METTL15: variants seen among roughly 807,000 people sequenced by gnomAD.
METTL15 encodes methyltransferase 15, mitochondrial 12S rRNA N4-cytidine.
A neutral mutation model predicts 38.3 loss-of-function variants in METTL15; 34 were observed. The ratio of observed to expected loss-of-function variants is 0.89; its 90% CI spans 0.68 to 1.18. The LOEUF (loss-of-function observed/expected upper bound fraction) is 1.18. Ranked by LOEUF, METTL15 falls within the 50% of genes most tolerant of loss-of-function variation. The probability of loss-of-function intolerance (pLI) is 0.00; values close to 1 mark genes in which losing one functional copy is unlikely to be tolerated. For missense variants in METTL15, 438 were observed against 498.4 expected (o/e 0.88, Z 1.15); for synonymous variants, 162 against 170.9 (o/e 0.95, Z 0.41).
chr11:28,522,568 C>T lies in METTL15; in HGVS notation c.*425-3910C>T, dbSNP rs188932605. The stretch of plus-strand genomic sequence containing the variant: ...TATTAGTCTCATCCAAAAACACCCT[C>T]ACAGAAAAATCCCAGAATAATGTAT... On this transcript the variant is annotated intron_variant and NMD_transcript_variant, in intron 6 of 7. Transcript: ENST00000532947. Among the ~76,000 whole-genome samples the T allele has an allele frequency of 5.3e-5, 8 of 152,330 alleles. No individual in the cohort carries two copies. In the East Asian group the frequency reaches 1.5e-3, roughly 29 times the overall value.
At chr11:28,152,870 G>A (rs1850139512) in intron 3 of METTL15, among the ~76,000 whole-genome samples, 1 of 151,924 alleles carries the variant, frequency 6.6e-6, no homozygotes, top group Non-Finnish European at 1.5e-5. Context: ...ATCCTAAACA[G>A]GGGTAGATTA....
At chr11:28,148,917 A>G (rs1329996402) in intron 3 of METTL15, among the ~76,000 whole-genome samples, 3 of 151,820 alleles carry the variant, frequency 2.0e-5, no homozygotes, top group African/African-American at 7.3e-5. Context: ...GTGAGGAAAA[A>G]CCCATTAATT....
At chr11:28,129,352 G>A (rs1252006328) in intron 3 of METTL15, among the ~76,000 whole-genome samples, 1 of 151,308 alleles carries the variant, frequency 6.6e-6, no homozygotes, top group Admixed American at 6.6e-5. Flanking sequence ...ATTGGTGTTT[G>A]TACTTTTTCT....
At chr11:28,352,623 T>C (rs766087946) in intron 4 of METTL15, among the ~76,000 whole-genome samples, 6 of 152,208 alleles carry the variant, frequency 3.9e-5, no homozygotes, top group Non-Finnish European at 7.3e-5. Flanking sequence ...TTTCACCTTA[T>C]TCCTGCTCCT....
chr11:28,249,895 T>G (rs1368507266), intron 4 of METTL15, among the ~76,000 whole-genome samples: 5 of 151,926 alleles, frequency 3.3e-5, no homozygotes, highest in Non-Finnish European at 7.4e-5. Context: ...CACCCTCAAG[T>G]AGGCTGCAGT....
chr11:28,398,977 GC>G (rs1385905542), intron 5 of METTL15: 2 of 151,694 alleles, frequency 1.3e-5, no homozygotes, highest in African/African-American at 4.8e-5. Context: ...CCAAAAAAGG[GC>G]CCATATAGCC....
chr11:28,501,818 G>A (rs1366662470), intron 6 of METTL15, among the ~76,000 whole-genome samples: 2 of 152,042 alleles, frequency 1.3e-5, no homozygotes, highest in Non-Finnish European at 2.9e-5. Flanking sequence ...AACCTGGCTC[G>A]GCCAGGCGCG....
chr11:28,337,127 A>G (rs778062859), downstream of METTL15, among the ~76,000 whole-genome samples: 25 of 152,166 alleles, frequency 1.6e-4, no homozygotes, highest in South Asian at 2.1e-3. Flanking sequence ...ATATAAAGAA[A>G]ATGTTTTTGT....
chr11:28,118,529 A>G (rs576805325), intron 3 of METTL15, among the ~76,000 whole-genome samples: 248 of 152,204 alleles, frequency 1.6e-3, no homozygotes, highest in Admixed American at 3.8e-3. Flanking sequence ...GTCTGGGCTA[A>G]TAGATTAACT....
At chr11:28,253,703 T>C (rs922963937) in intron 4 of METTL15, among the ~76,000 whole-genome samples, 1 of 151,304 alleles carries the variant, frequency 6.6e-6, no homozygotes, top group Admixed American at 6.6e-5. Flanking sequence ...TTCAATTGTT[T>C]TGATTTTTAG....
intron 6 of METTL15, among the ~76,000 whole-genome samples, chr11:28,488,283 C>A (rs1488296238): frequency 6.6e-6 from 1 of 152,092 alleles, no homozygotes; most frequent in East Asian, 1.9e-4. Flanking sequence ...AGCTAACTTA[C>A]AGTATTATGA....
intron 3 of METTL15, among the ~76,000 whole-genome samples, chr11:28,347,720 C>G (rs969268447): frequency 3.3e-5 from 5 of 152,232 alleles, no homozygotes; most frequent in Non-Finnish European, 7.3e-5. Flanking sequence ...ACCCAACTCA[C>G]TATAGTACCC....
chr11:28,328,003 C>A, intron 6 of METTL15: 4 of 1,324,840 alleles, frequency 3.0e-6, no homozygotes, highest in Non-Finnish European at 4.1e-6. Flanking sequence ...AAAATTATAG[C>A]AAAAATATCC....
At chr11:28,527,660 G>A (rs757266547), downstream of METTL15, among the ~76,000 whole-genome samples, 88 of 152,158 alleles carry the variant, frequency 5.8e-4, 1 homozygote, top group Non-Finnish European at 1.1e-3. Flanking sequence ...ATATCATAGA[G>A]GGATTTGACT....
rs34906623 is a variant in METTL15 at position 28,151,006 on chromosome 11, C to CAA, written c.270+37420_270+37421dup. Among the ~76,000 whole-genome samples the CAA allele has an allele frequency of 6.8e-3, 571 of 84,320 alleles. 4 individuals are homozygous for CAA. The highest frequency in any genetic ancestry group is 0.014 in the African/African-American group (363 of 25,746). 55.3% of individuals were successfully genotyped at this position (84,320 alleles called of 152,430 possible). ...CCATCTGTTCAGAGGCAACAGTGAC[C>CAA]AAAAAAAAAAAAAAAAAAAGAAAAG... is the stretch of plus-strand genomic sequence containing the variant. On this transcript the variant is annotated intron_variant, in intron 3 of 6. Transcript: ENST00000407364.
intron 4 of METTL15, among the ~76,000 whole-genome samples, chr11:28,255,467 G>A (rs567396093): frequency 1.3e-5 from 2 of 152,150 alleles, no homozygotes; most frequent in South Asian, 4.1e-4. Flanking sequence ...ACTCTATCTA[G>A]GACTTCCAGT....
rs1219707439 is a variant in METTL15 at position 28,332,354 on chromosome 11, A to G, written c.*1513A>G. 1 of 152,194 alleles carries G rather than the reference A, an allele frequency of 6.6e-6. No individual in the cohort carries two copies. The highest frequency in any genetic ancestry group is 2.4e-5 in the African/African-American group (1 of 41,454). 9.4% of individuals were successfully genotyped at this position (152,194 alleles called of 1,614,324 possible). A position where few individuals can be genotyped will look rare whatever the true frequency, so the allele number is the denominator to read the frequency against. ...TATAATACATATTTGTGAATGAGAC[A>G]TATTCCCAAAAAATTCTTATCTCTG... On this transcript the variant is annotated 3_prime_UTR_variant, in exon 7 of 7. Coordinates refer to ENST00000407364, the MANE Select transcript of METTL15 (RefSeq NM_001113528.2).
chr11:28,203,659 G>A (rs1489571365), intron 3 of METTL15, among the ~76,000 whole-genome samples: 1 of 151,980 alleles, frequency 6.6e-6, no homozygotes, highest in Non-Finnish European at 1.5e-5. Context: ...AGTAAAAGGA[G>A]GGATTGGAAT....
At chr11:28,478,456 G>A (rs1353940151) in intron 6 of METTL15, among the ~76,000 whole-genome samples, 3 of 152,150 alleles carry the variant, frequency 2.0e-5, no homozygotes, top group Non-Finnish European at 4.4e-5. Context: ...CTCAATCGTG[G>A]TGATTATCTG....
Sources: allele counts gnomAD v4.1 joint callset (sites outside exome capture counted in the v4.1 genomes callset), GRCh38; gene constraint gnomAD v4.1.1; transcripts MANE v1.5; gene names NCBI Gene and HGNC (gene_info 2026-07-23, HGNC 2026-07-21).